The following CCDC73 variants were observed in gnomAD, a reference collection of about 807,000 sequenced individuals.
CCDC73 encodes coiled-coil domain-containing protein 73.
A neutral mutation model predicts 116.5 loss-of-function variants in CCDC73; 95 were observed. That is an observed-to-expected ratio of 0.82 (90% CI 0.69 to 0.97). CCDC73 has a LOEUF of 0.97. CCDC73 is among the 50% of genes least tolerant of loss of function. CCDC73 has a pLI of 0.00. For missense variants in CCDC73, 1,066 were observed against 1,206.8 expected, an observed-to-expected ratio of 0.88 and a Z score of 1.73; for synonymous variants, 398 against 401.3, an observed-to-expected ratio of 0.99 and a Z score of 0.10.
At chr11:32,818,346 GTTGT>G in the CCDC73 span, among the ~76,000 whole-genome samples, 8 of 152,234 alleles carry the variant, frequency 5.3e-5, no homozygotes, top group Non-Finnish European at 1.0e-4. Context: ...CCTTGAGCAA[GTTGT>G]TTAACATCTT....
intron 2 of CCDC73, among the ~76,000 whole-genome samples, chr11:32,724,281 TTAGA>T (rs898340211): frequency 1.1e-4 from 17 of 152,268 alleles, no homozygotes; most frequent in African/African-American, 2.9e-4. Flanking sequence ...AATTTATTCT[TTAGA>T]TAGTTAACAA....
the CCDC73 span, among the ~76,000 whole-genome samples, chr11:32,820,309 C>T: frequency 1.3e-5 from 2 of 152,078 alleles, no homozygotes; most frequent in South Asian, 2.1e-4. Flanking sequence ...TGTGACACCA[C>T]GCCCCACTAA....
chr11:32,733,458 T>G (rs910342161), intron 2 of CCDC73, among the ~76,000 whole-genome samples: 3 of 152,190 alleles, frequency 2.0e-5, no homozygotes, highest in African/African-American at 2.4e-5. Context: ...CAAATCGACA[T>G]AATATACATT....
intron 3 of CCDC73, among the ~76,000 whole-genome samples, chr11:32,715,857 G>A (rs1181111680): frequency 6.6e-6 from 1 of 151,994 alleles, no homozygotes; most frequent in African/African-American, 2.4e-5. Flanking sequence ...GTAAACATCT[G>A]GTTTATCAAA....
intron 3 of CCDC73, among the ~76,000 whole-genome samples, chr11:32,713,168 A>G (rs1849916947): frequency 6.6e-6 from 1 of 152,046 alleles, no homozygotes; most frequent in Non-Finnish European, 1.5e-5. Flanking sequence ...TCATTTTTTG[A>G]AAGTGAAATG....
intron 2 of CCDC73, chr11:32,758,390 A>G (rs1480243530): frequency 2.0e-6 from 1 of 507,260 alleles, no homozygotes; most frequent in Non-Finnish European, 3.9e-6. Flanking sequence ...TTAGGAAAGC[A>G]CCAAAATCTC....
intron 1 of CCDC73, among the ~76,000 whole-genome samples, chr11:32,782,776 GA>G (rs936991065): frequency 4.6e-5 from 7 of 151,178 alleles, no homozygotes; most frequent in African/African-American, 1.2e-4. Flanking sequence ...TTACATTGAT[GA>G]AAAAAAAGAT....
chr11:32,693,944 C>CCA (rs1194801856), intron 6 of CCDC73, among the ~76,000 whole-genome samples: 2 of 152,156 alleles, frequency 1.3e-5, no homozygotes, highest in Admixed American at 1.3e-4. Context: ...TATGACAAAC[C>CCA]CACAGCCAAT....
intron 8 of CCDC73, 95 bp downstream of exon 8, chr11:32,675,791 T>A: frequency 8.2e-7 from 1 of 1,225,776 alleles, no homozygotes; most frequent in Non-Finnish European, 1.2e-6. Flanking sequence ...TTTACTATTA[T>A]CAGTATTATC....
intron 14 of CCDC73, among the ~76,000 whole-genome samples, chr11:32,630,001 A>C (rs946109699): frequency 6.6e-6 from 1 of 151,588 alleles, no homozygotes; most frequent in Non-Finnish European, 1.5e-5. Context: ...ATGTGGATCT[A>C]AACAAAGGAA....
upstream of CCDC73, among the ~76,000 whole-genome samples, chr11:32,794,871 G>GTT (rs1565103460): frequency 2.0e-5 from 2 of 100,622 alleles, no homozygotes; most frequent in African/African-American, 6.7e-5. Context: ...GTTTGTTTTT[G>GTT]GTTTTTTTTT....
At chr11:32,627,744 C>T (rs1170968815) in intron 14 of CCDC73, among the ~76,000 whole-genome samples, 2 of 152,154 alleles carry the variant, frequency 1.3e-5, no homozygotes, top group Admixed American at 6.5e-5. Context: ...ACCGCATGTT[C>T]TCACTCATAG....
intron 10 of CCDC73, 48 bp from the exon 11 acceptor site, chr11:32,654,085 T>C (rs746422356): frequency 7.3e-6 from 11 of 1,516,452 alleles, no homozygotes; most frequent in Non-Finnish European, 9.8e-6. Flanking sequence ...ATTCAGCAAA[T>C]TCTACATTCA....
intron 3 of CCDC73, among the ~76,000 whole-genome samples, chr11:32,707,578 G>A (rs1260086338): frequency 6.6e-6 from 1 of 152,050 alleles, no homozygotes; most frequent in Admixed American, 6.5e-5. Flanking sequence ...ATAATATGGG[G>A]ACAAGTTTTT....
At chr11:32,694,700 A>C (rs899473410) in intron 6 of CCDC73, among the ~76,000 whole-genome samples, 9 of 152,258 alleles carry the variant, frequency 5.9e-5, no homozygotes, top group Admixed American at 5.2e-4. Flanking sequence ...CAAAGTACTT[A>C]AGCAAGATGA....
intron 9 of CCDC73, among the ~76,000 whole-genome samples, chr11:32,656,981 G>T (rs1338375925): frequency 1.3e-5 from 2 of 151,942 alleles, no homozygotes; most frequent in Non-Finnish European, 2.9e-5. Context: ...TTTTAAAATC[G>T]TATTTAAGCT....
At chr11:32,822,498 T>G in the CCDC73 span, among the ~76,000 whole-genome samples, 111 of 152,288 alleles carry the variant, frequency 7.3e-4, no homozygotes, top group Middle Eastern at 0.01. Flanking sequence ...CTGGAATAGT[T>G]TGACCAAAAA....
the CCDC73 span, chr11:32,830,479 T>C: frequency 2.1e-6 from 3 of 1,431,870 alleles, no homozygotes; most frequent in Non-Finnish European, 2.8e-6. Flanking sequence ...GGGCCTTTTT[T>C]TTTTAATATT....
At chr11:32,752,602 G>A (rs957683780) in intron 2 of CCDC73, among the ~76,000 whole-genome samples, 4 of 152,082 alleles carry the variant, frequency 2.6e-5, no homozygotes, top group Non-Finnish European at 5.9e-5. Context: ...TCCAATCTGG[G>A]AATCAAAAAC....
Sources: gnomAD v4.1 joint callset for allele counts (sites outside exome capture counted in the v4.1 genomes callset) on GRCh38, gnomAD v4.1.1 for gene constraint, MANE v1.5 for transcripts, NCBI Gene and HGNC (gene_info 2026-07-23, HGNC 2026-07-21) for gene names.